Variants in MAGI2 observed in about 807,000 individuals in gnomAD.
MAGI2 encodes membrane associated guanylate kinase, WW and PDZ domain containing 2.
MAGI2 carries 35 observed loss-of-function variants against 133.3 expected under a neutral mutation model. The ratio of observed to expected loss-of-function variants is 0.26; its 90% CI spans 0.20 to 0.35. The LOEUF is 0.35. Ranked by LOEUF, MAGI2 falls within the 10% of genes least tolerant of loss-of-function variation. MAGI2 has a pLI of 1.00. For missense variants in MAGI2, 1,636 were observed against 1,863.4 expected (o/e 0.88, Z 2.25); for synonymous variants, 729 against 710.6 (o/e 1.03, Z -0.41).
chr7:78,218,766 T>TTAG (rs1229767926), intron 10 of MAGI2, among the ~76,000 whole-genome samples: 3 of 152,184 alleles, frequency 2.0e-5, no homozygotes, highest in Non-Finnish European at 4.4e-5. Flanking sequence ...TGAAGCTGCA[T>TTAG]TAGTAGCGTG....
chr7:79,123,784 T>TAAA (rs1326526787), intron 1 of MAGI2, among the ~76,000 whole-genome samples: 1 of 12,876 alleles, frequency 7.8e-5, no homozygotes, highest in East Asian at 1.6e-3. Flanking sequence ...AGACTCCATC[T>TAAA]CAAAAAAAAA....
chr7:78,915,209 C>T (rs1197243104), intron 2 of MAGI2, among the ~76,000 whole-genome samples: 1 of 152,082 alleles, frequency 6.6e-6, no homozygotes, highest in Non-Finnish European at 1.5e-5. Flanking sequence ...TGAATCTCTT[C>T]TGGTGATTTA....
At chr7:79,363,374 G>T (rs1227205012) in intron 1 of MAGI2, among the ~76,000 whole-genome samples, 1 of 147,734 alleles carries the variant, frequency 6.8e-6, no homozygotes, top group Non-Finnish European at 1.5e-5. Flanking sequence ...CTCTGTTCGT[G>T]TATTGGAAGA....
intron 2 of MAGI2, among the ~76,000 whole-genome samples, chr7:78,655,343 T>G (rs1397565651): frequency 2.7e-5 from 4 of 149,710 alleles, no homozygotes; most frequent in Non-Finnish European, 3.0e-5. Context: ...AAGGAGTCGG[T>G]AGAAGCTTCA....
chr7:78,932,571 G>A (rs1311175295), intron 2 of MAGI2, among the ~76,000 whole-genome samples: 1 of 151,916 alleles, frequency 6.6e-6, no homozygotes, highest in Non-Finnish European at 1.5e-5. Flanking sequence ...TGAAACAGTG[G>A]ATCTTAGTGT....
chr7:79,147,007 T>A (rs1385702171), intron 1 of MAGI2, among the ~76,000 whole-genome samples: 1 of 152,234 alleles, frequency 6.6e-6, no homozygotes, highest in Non-Finnish European at 1.5e-5. Flanking sequence ...GTGTTAAGAA[T>A]GCAGGATCTG....
At chr7:79,342,131 T>A (rs1251217324) in intron 1 of MAGI2, among the ~76,000 whole-genome samples, 2 of 152,184 alleles carry the variant, frequency 1.3e-5, no homozygotes, top group East Asian at 3.9e-4. Context: ...TGGTCTCACA[T>A]TTTAAACTCA....
At chr7:78,779,255 T>C (rs74302909) in intron 2 of MAGI2, among the ~76,000 whole-genome samples, 106 of 143,808 alleles carry the variant, frequency 7.4e-4, no homozygotes, top group Non-Finnish European at 5.9e-4. Flanking sequence ...ACTTTTTTTT[T>C]CCCCCAGGCT....
At chr7:78,544,044 T>A (rs1023967157) in intron 3 of MAGI2, among the ~76,000 whole-genome samples, 10 of 152,202 alleles carry the variant, frequency 6.6e-5, no homozygotes, top group Non-Finnish European at 1.5e-4. Context: ...ACAATCTCTA[T>A]GCTTTGGGCT....
chr7:79,124,541 C>A (rs1820225197), intron 1 of MAGI2, among the ~76,000 whole-genome samples: 2 of 152,208 alleles, frequency 1.3e-5, no homozygotes, highest in African/African-American at 2.4e-5. Flanking sequence ...GTACTTTGAT[C>A]TGTACCTCCC....
intron 2 of MAGI2, among the ~76,000 whole-genome samples, chr7:78,961,630 A>T (rs1802852567): frequency 6.6e-6 from 1 of 151,932 alleles, no homozygotes; most frequent in African/African-American, 2.4e-5. Context: ...TGCCAGCTGA[A>T]TTTTTTTCAT....
At chr7:79,053,138 A>G (rs974623023) in intron 1 of MAGI2, among the ~76,000 whole-genome samples, 3 of 151,938 alleles carry the variant, frequency 2.0e-5, no homozygotes, top group African/African-American at 7.3e-5. Context: ...ACGCCCGGCT[A>G]ATTTTTTTGT....
At chr7:78,713,651 T>C (rs895723951) in intron 2 of MAGI2, among the ~76,000 whole-genome samples, 2 of 152,138 alleles carry the variant, frequency 1.3e-5, no homozygotes, top group African/African-American at 4.8e-5. Flanking sequence ...ACCTTCAAAA[T>C]ATGTAATAGC....
chr7:78,478,086 C>G (rs1008477527), intron 6 of MAGI2, among the ~76,000 whole-genome samples: 1 of 151,714 alleles, frequency 6.6e-6, no homozygotes, highest in East Asian at 2.0e-4. Context: ...TCCCTATCCC[C>G]CAACAGGCCC....
intron 3 of MAGI2, among the ~76,000 whole-genome samples, chr7:78,569,031 C>G (rs965707782): frequency 1.2e-4 from 19 of 152,018 alleles, no homozygotes; most frequent in African/African-American, 3.9e-4. Context: ...TCACTTTCTT[C>G]AGGATTCTGC....
intron 21 of MAGI2, among the ~76,000 whole-genome samples, chr7:78,065,904 T>C (rs1813756922): frequency 6.6e-6 from 1 of 152,190 alleles, no homozygotes; most frequent in Admixed American, 6.5e-5. Flanking sequence ...TCTCAAAATA[T>C]TGAGGGCATC....
intron 1 of MAGI2, among the ~76,000 whole-genome samples, chr7:79,044,609 A>T (rs562290908): frequency 1.3e-5 from 2 of 151,812 alleles, no homozygotes; most frequent in African/African-American, 2.4e-5. Flanking sequence ...AAGGCACTCA[A>T]ATAGGAAGAA....
At chr7:78,362,977 C>T (rs1364937261) in intron 7 of MAGI2, among the ~76,000 whole-genome samples, 1 of 152,170 alleles carries the variant, frequency 6.6e-6, no homozygotes, top group African/African-American at 2.4e-5. Flanking sequence ...TTGTGACTGT[C>T]ATCCGGGATG....
intron 1 of MAGI2, among the ~76,000 whole-genome samples, chr7:79,047,762 C>T (rs1203842786): frequency 1.3e-5 from 2 of 151,654 alleles, no homozygotes; most frequent in African/African-American, 4.8e-5. Context: ...CCTTATAATC[C>T]CTGATTATAA....
Sources: gnomAD v4.1 joint callset for allele counts (sites outside exome capture counted in the v4.1 genomes callset) on GRCh38, gnomAD v4.1.1 for gene constraint, MANE v1.5 for transcripts, NCBI Gene and HGNC (gene_info 2026-07-23, HGNC 2026-07-21) for gene names.